Variants in VPS13B observed in about 807,000 individuals in gnomAD.
VPS13B encodes the protein vacuolar protein sorting 13 homolog B, also known as intermembrane lipid transfer protein VPS13B.
Under a neutral mutation model 426.4 loss-of-function variants are expected in VPS13B, and 285 were observed. That is an observed-to-expected ratio of 0.67 (90% CI 0.61 to 0.74). VPS13B has a LOEUF of 0.74. VPS13B is among the 30% of genes least tolerant of loss of function. VPS13B has a pLI of 0.00. For missense variants in VPS13B, 4,537 were observed against 4,782.6 expected (o/e 0.95, Z 1.51); for synonymous variants, 1,676 against 1,676.4 (o/e 1.00, Z 0.01).
chr8:99,313,721 A>T (rs972766339), intron 19 of VPS13B, among the ~76,000 whole-genome samples: 3 of 152,160 alleles, frequency 2.0e-5, no homozygotes, highest in African/African-American at 7.2e-5. Context: ...TTAAGTCTGC[A>T]GAGGTTTCTG....
At chr8:99,246,355 T>G (rs1247905239) in intron 17 of VPS13B, among the ~76,000 whole-genome samples, 1 of 152,226 alleles carries the variant, frequency 6.6e-6, no homozygotes, top group Admixed American at 6.5e-5. Context: ...GAACAAGTGC[T>G]CTAGGACAGC....
chr8:99,416,569 A>G (rs1816018746), intron 21 of VPS13B, among the ~76,000 whole-genome samples: 1 of 152,158 alleles, frequency 6.6e-6, no homozygotes, highest in Admixed American at 6.5e-5. Context: ...GGGAATCACC[A>G]GGTCTGCGGG....
intron 19 of VPS13B, among the ~76,000 whole-genome samples, chr8:99,313,231 G>T (rs1048873441): frequency 6.6e-6 from 1 of 152,168 alleles, no homozygotes; most frequent in Non-Finnish European, 1.5e-5. Flanking sequence ...TCCTTTGGAG[G>T]GGGAGAAGCG....
At chr8:99,797,332 G>A (rs1003624224) in intron 43 of VPS13B, among the ~76,000 whole-genome samples, 19 of 151,816 alleles carry the variant, frequency 1.3e-4, no homozygotes, top group African/African-American at 3.4e-4. Flanking sequence ...CTCTGACTCC[G>A]GGGCTCAAGC....
chr8:99,190,556 A>G (rs1005973203), intron 16 of VPS13B, among the ~76,000 whole-genome samples: 1 of 151,864 alleles, frequency 6.6e-6, no homozygotes. Flanking sequence ...CACTCTGTCT[A>G]CACTATTGCC....
At chr8:99,707,132 A>G (rs1832527125) in intron 36 of VPS13B, among the ~76,000 whole-genome samples, 1 of 152,168 alleles carries the variant, frequency 6.6e-6, no homozygotes, top group South Asian at 2.1e-4. Flanking sequence ...CCAGTTACCA[A>G]TTAGAAAAAT....
intron 39 of VPS13B, among the ~76,000 whole-genome samples, chr8:99,727,783 T>C (rs1018329606): frequency 2.0e-5 from 3 of 152,196 alleles, no homozygotes; most frequent in Non-Finnish European, 4.4e-5. Flanking sequence ...GAAAAAACTT[T>C]TCCTTTAGGA....
At chr8:99,095,506 CCTT>C (rs1424042226) in intron 3 of VPS13B, among the ~76,000 whole-genome samples, 1 of 152,128 alleles carries the variant, frequency 6.6e-6, no homozygotes, top group Non-Finnish European at 1.5e-5. Flanking sequence ...TTTTTATACT[CCTT>C]ATTACTTAAA....
chr8:99,034,082 TG>T (rs1249692107), intron 2 of VPS13B, among the ~76,000 whole-genome samples: 2 of 152,220 alleles, frequency 1.3e-5, no homozygotes, highest in Non-Finnish European at 2.9e-5. Flanking sequence ...TTGGACATTT[TG>T]TGTAATATAT....
At chr8:99,288,871 C>T (rs1420734501) in intron 19 of VPS13B, among the ~76,000 whole-genome samples, 1 of 151,916 alleles carries the variant, frequency 6.6e-6, no homozygotes, top group African/African-American at 2.4e-5. Context: ...TGTATTTTGA[C>T]ATAGGAACAA....
At chr8:99,424,300 A>G (rs199668846) in intron 21 of VPS13B, 3 of 151,252 alleles carry the variant, frequency 2.0e-5, no homozygotes, top group African/African-American at 4.9e-5. Context: ...GAGCCTATGT[A>G]TGTCTCTGCA....
At chr8:99,069,485 G>T (rs1036753331) in intron 3 of VPS13B, among the ~76,000 whole-genome samples, 2 of 152,138 alleles carry the variant, frequency 1.3e-5, no homozygotes, top group African/African-American at 4.8e-5. Flanking sequence ...TAATAATGAC[G>T]TTTGTCAATT....
chr8:99,327,079 G>A lies in VPS13B; in HGVS notation c.2824+51825G>A, dbSNP rs559141949. The stretch of plus-strand genomic sequence containing the variant: ...GTTTCTTCCTATTTCTGTCTACTTC[G>A]AAGAGTTTTTTTCTTTAATCTTAAA... On this transcript the variant is annotated intron_variant, in intron 19 of 61. Coordinates refer to ENST00000357162, the MANE Select transcript of VPS13B (RefSeq NM_152564.5). Among the ~76,000 whole-genome samples, 10 of 152,230 alleles carry A rather than the reference G, an allele frequency of 6.6e-5. No individual in the cohort carries two copies. In the East Asian group the frequency reaches 9.6e-4, roughly 15 times the overall value.
chr8:99,066,983 T>C (rs1236842563), intron 3 of VPS13B, among the ~76,000 whole-genome samples: 1 of 152,060 alleles, frequency 6.6e-6, no homozygotes, highest in Non-Finnish European at 1.5e-5. Context: ...CATTAGAAAG[T>C]CAGGAAACAA....
chr8:99,159,497 T>G (rs1314392802), intron 15 of VPS13B, among the ~76,000 whole-genome samples: 1 of 152,196 alleles, frequency 6.6e-6, no homozygotes, highest in African/African-American at 2.4e-5. Context: ...AGTTAATCAA[T>G]ATGGCAAACT....
rs374233779 is a variant in VPS13B at position 99,651,130 on chromosome 8, T to G, written c.5908+8632T>G. On this transcript the variant is annotated intron_variant, in intron 34 of 61. Coordinates refer to ENST00000357162, the MANE Select transcript of VPS13B (RefSeq NM_152564.5). The stretch of plus-strand genomic sequence containing the variant: ...CCCCTGTGAACAACAAGGGATGACT[T>G]TAAACATATACATTTAAAAACGTAT... Among the ~76,000 whole-genome samples, 6 of 152,176 alleles carry G rather than the reference T, an allele frequency of 3.9e-5. No individual in the cohort carries two copies. In the South Asian group the frequency reaches 8.3e-4, roughly 21 times the overall value.
intron 42 of VPS13B, among the ~76,000 whole-genome samples, chr8:99,781,203 T>A (rs977411753): frequency 6.6e-6 from 1 of 152,206 alleles, no homozygotes; most frequent in Non-Finnish European, 1.5e-5. Context: ...CTTTTCCCTT[T>A]TATAAATGAT....
intron 19 of VPS13B, among the ~76,000 whole-genome samples, chr8:99,300,852 T>C (rs1460357516): frequency 1.3e-5 from 2 of 151,824 alleles, no homozygotes; most frequent in African/African-American, 2.4e-5. Flanking sequence ...CATAGTGTTA[T>C]TGGGAAAAAA....
At chr8:99,835,851 G>T (rs1173036734) in intron 54 of VPS13B, 113 bp downstream of exon 54, 7 of 1,080,382 alleles carry the variant, frequency 6.5e-6, no homozygotes, top group Non-Finnish European at 9.6e-6. Context: ...TCTTTTCTCT[G>T]TGTGAGAGAA....
Sources: gnomAD v4.1 joint callset for allele counts (sites outside exome capture counted in the v4.1 genomes callset) on GRCh38, gnomAD v4.1.1 for gene constraint, MANE v1.5 for transcripts, NCBI Gene and HGNC (gene_info 2026-07-23, HGNC 2026-07-21) for gene names.